ABCD3: variants seen among roughly 807,000 people sequenced by gnomAD.
ABCD3 encodes the protein ATP-binding cassette sub-family D member 3.
ABCD3 carries 41 observed loss-of-function variants against 105.5 expected under a neutral mutation model. The observed-to-expected ratio is 0.39, with a 90% CI of 0.30 to 0.50. The LOEUF is 0.50. ABCD3 is among the 20% of genes least tolerant of loss of function. ABCD3 has a pLI of 0.84. For missense variants in ABCD3, 622 were observed against 806.3 expected (o/e 0.77, Z 2.77); for synonymous variants, 258 against 269.0 (o/e 0.96, Z 0.40).
intron 20 of ABCD3, among the ~76,000 whole-genome samples, chr1:94,501,717 T>C (rs1246357369): frequency 6.6e-6 from 1 of 152,210 alleles, no homozygotes; most frequent in Non-Finnish European, 1.5e-5. Context: ...TTTCTTGCTC[T>C]TCCTATTTAG....
At chr1:94,498,032 A>G (rs1649902607) in intron 16 of ABCD3, among the ~76,000 whole-genome samples, 1 of 152,148 alleles carries the variant, frequency 6.6e-6, no homozygotes, top group Non-Finnish European at 1.5e-5. Flanking sequence ...TCTAAACTTT[A>G]TCTCTCTTTA....
rs532475274 is a variant in ABCD3 at position 94,513,159 on chromosome 1, T to C, written c.1846-1987T>C. ...ATTTTATCTTGTTAATGATTTATTT[T>C]CTATTCTTGAATTTGCTTTGGTAAT... On this transcript the variant is annotated intron_variant, in intron 21 of 22. Transcript: ENST00000370214. Among the ~76,000 whole-genome samples the C allele has an allele frequency of 5.9e-5, 9 of 152,248 alleles. No homozygotes were observed. The South Asian group carries it at 1.9e-3, about 32-fold the overall frequency.
In ABCD3 at chr1:94,418,422, G is replaced by A; in HGVS notation, c.-57G>A. On this transcript the variant is annotated 5_prime_UTR_variant, in exon 1 of 23. Transcript: ENST00000370214. ...CCCCCGCGCTGCGTGCAGTAAGGTA[G>A]CCGCCGCCGCCGCCGCCGCCGCGTC... The A allele has an allele frequency of 9.7e-6, 11 of 1,132,180 alleles. No individual in the cohort carries two copies. Among genetic ancestry groups the A allele is most frequent in the South Asian group, 1.4e-5 (1 of 69,160 alleles). 70.1% of individuals were successfully genotyped at this position (1,132,180 alleles called of 1,614,324 possible).
chr1:94,469,907 C>T (rs1016734436), intron 4 of ABCD3, among the ~76,000 whole-genome samples: 1 of 151,976 alleles, frequency 6.6e-6, no homozygotes, highest in Admixed American at 6.6e-5. Context: ...CCTTGTGGTC[C>T]TCCCGCCTCG....
intron 1 of ABCD3, among the ~76,000 whole-genome samples, chr1:94,449,571 T>C (rs1660492843): frequency 6.6e-6 from 1 of 152,242 alleles, no homozygotes; most frequent in Admixed American, 6.5e-5. Flanking sequence ...AATCTGCTCC[T>C]ATAATTGAGG....
intron 1 of ABCD3, among the ~76,000 whole-genome samples, chr1:94,445,312 C>T (rs920431564): frequency 2.0e-5 from 3 of 152,138 alleles, no homozygotes; most frequent in Non-Finnish European, 2.9e-5. Context: ...GGCGCCCATA[C>T]ATGGGGCTCA....
chr1:94,459,922 T>C (rs1465504818), intron 2 of ABCD3, among the ~76,000 whole-genome samples: 3 of 152,232 alleles, frequency 2.0e-5, no homozygotes, highest in African/African-American at 4.8e-5. Context: ...GTTCATCATG[T>C]TGTTGTATCA....
chr1:94,437,236 A>G (rs1006878620), intron 1 of ABCD3, among the ~76,000 whole-genome samples: 7 of 152,364 alleles, frequency 4.6e-5, no homozygotes, highest in Admixed American at 6.5e-5. Flanking sequence ...ACAGCTATCT[A>G]TTGGAGAAGA....
intron 4 of ABCD3, 125 bp from the exon 5 acceptor site, chr1:94,473,641 C>T (rs1045785317): frequency 9.1e-5 from 74 of 810,504 alleles, no homozygotes; most frequent in Non-Finnish European, 8.6e-5. Flanking sequence ...TTTTTAGCAT[C>T]TTTTTTATTG....
intron 9 of ABCD3, among the ~76,000 whole-genome samples, chr1:94,480,998 C>G (rs1168164904): frequency 6.6e-6 from 1 of 152,160 alleles, no homozygotes; most frequent in Non-Finnish European, 1.5e-5. Context: ...CTGCATGTGC[C>G]TCTACCTATT....
chr1:94,466,878 C>T (rs1041282), intron 3 of ABCD3, among the ~76,000 whole-genome samples: 57,093 of 151,994 alleles, frequency 0.38, 11,864 homozygotes, highest in Middle Eastern at 0.55. Context: ...GCCAGCTTCC[C>T]ACCCTCTGCA....
intron 1 of ABCD3, among the ~76,000 whole-genome samples, chr1:94,426,920 T>A (rs1230529704): frequency 6.6e-6 from 1 of 151,786 alleles, no homozygotes; most frequent in Non-Finnish European, 1.5e-5. Flanking sequence ...GCACATTACT[T>A]CTTCCCTCTG....
At chr1:94,420,059 G>T (rs934562732) in intron 1 of ABCD3, among the ~76,000 whole-genome samples, 1 of 152,160 alleles carries the variant, frequency 6.6e-6, no homozygotes, top group East Asian at 1.9e-4. Context: ...TTTTAATATG[G>T]AGGAGGGGAC....
At chr1:94,503,454 G>A (rs1313393534) in intron 20 of ABCD3, among the ~76,000 whole-genome samples, 2 of 152,100 alleles carry the variant, frequency 1.3e-5, no homozygotes, top group African/African-American at 4.8e-5. Flanking sequence ...TGTTTATGGA[G>A]CCTCTGTCTT....
the ABCD3 span, among the ~76,000 whole-genome samples, chr1:94,388,347 G>T: frequency 1.2e-4 from 18 of 152,268 alleles, no homozygotes; most frequent in Non-Finnish European, 2.5e-4. Context: ...GCTAGATTAT[G>T]AATGATTGAT....
intron 1 of ABCD3, among the ~76,000 whole-genome samples, chr1:94,457,077 G>A (rs910518801): frequency 8.6e-5 from 13 of 151,984 alleles, no homozygotes; most frequent in South Asian, 2.1e-4. Flanking sequence ...TCCTTTGCTC[G>A]TTTTTTAAAA....
intron 1 of ABCD3, among the ~76,000 whole-genome samples, chr1:94,421,306 A>G (rs1228558334): frequency 6.6e-6 from 1 of 152,158 alleles, no homozygotes; most frequent in Non-Finnish European, 1.5e-5. Context: ...TGGATACACT[A>G]TGTAACACAT....
At chr1:94,455,646 C>T in intron 1 of ABCD3, 1 of 404,698 alleles carries the variant, frequency 2.5e-6, no homozygotes, top group South Asian at 1.9e-5. Context: ...TTGTCACAGA[C>T]TGATTAAAGA....
At chr1:94,498,245 A>AT (rs1348646154) in intron 16 of ABCD3, among the ~76,000 whole-genome samples, 1 of 151,792 alleles carries the variant, frequency 6.6e-6, no homozygotes, top group Non-Finnish European at 1.5e-5. Context: ...TTTTATTTTT[A>AT]TTTTTTGTAG....
Sources: gnomAD v4.1 joint callset for allele counts (sites outside exome capture counted in the v4.1 genomes callset) on GRCh38, gnomAD v4.1.1 for gene constraint, MANE v1.5 for transcripts, NCBI Gene and HGNC (gene_info 2026-07-23, HGNC 2026-07-21) for gene names.